The following FILIP1L variants were observed in gnomAD, a reference collection of about 807,000 sequenced individuals.
FILIP1L encodes filamin A interacting protein 1 like.
In FILIP1L, 55 loss-of-function variants were observed where a neutral mutation model predicts 96.6. The ratio of observed to expected loss-of-function variants is 0.57; its 90% CI spans 0.46 to 0.71. The LOEUF is 0.71. FILIP1L is among the 30% of genes least tolerant of loss of function. The pLI, the probability that FILIP1L is intolerant of heterozygous loss-of-function variation, is 0.00. For missense variants in FILIP1L, 1,304 were observed against 1,321.2 expected, an observed-to-expected ratio of 0.99 and a Z score of 0.20; for synonymous variants, 467 against 473.9, an observed-to-expected ratio of 0.99 and a Z score of 0.19.
chr3:99,931,017 G>A lies in FILIP1L; in HGVS notation c.4C>T (p.Arg2Cys), dbSNP rs766701827. The change falls in exon 2 of 6, where the codon CGT becomes TGT. Residue 2 changes from arginine (R) to cysteine (C), a missense_variant. Transcript: ENST00000477258. M[R>C]SRGSDTEGSA... ...CCCTCGGTATCACTGCCTCTGGAACGCATTCTTTAAAGCCTGGAAGGAGGG... is the reference window on the plus strand; with the variant it reads ...CCCTCGGTATCACTGCCTCTGGAACACATTCTTTAAAGCCTGGAAGGAGGG... 60 of 1,612,732 alleles carry A rather than the reference G, an allele frequency of 3.7e-5. No homozygotes were observed. The highest frequency in any genetic ancestry group is 1.6e-4 in the Middle Eastern group (1 of 6,082).
intron 1 of FILIP1L, among the ~76,000 whole-genome samples, chr3:100,014,916 T>TTTTTTTTTTTTTTTTC: frequency 6.9e-6 from 1 of 144,856 alleles, no homozygotes; most frequent in Non-Finnish European, 1.5e-5. Flanking sequence ...TTTTTTTTTT[T>TTTTTTTTTTTTTTTTC]TTGCCCCTGT....
At chr3:99,845,983 C>T (rs1472607769) in intron 5 of FILIP1L, among the ~76,000 whole-genome samples, 2 of 152,168 alleles carry the variant, frequency 1.3e-5, no homozygotes, top group African/African-American at 2.4e-5. Context: ...AGAATTTGTG[C>T]ATTATCATAA....
intron 4 of FILIP1L, among the ~76,000 whole-genome samples, chr3:99,893,268 CCATT>C (rs1706147275): frequency 6.6e-6 from 1 of 151,552 alleles, no homozygotes; most frequent in Non-Finnish European, 1.5e-5. Flanking sequence ...CGGGTTCACG[CCATT>C]CTCCTGTCTC....
At chr3:99,884,148 A>G (rs1705820557) in intron 4 of FILIP1L, among the ~76,000 whole-genome samples, 1 of 152,196 alleles carries the variant, frequency 6.6e-6, no homozygotes, top group Admixed American at 6.5e-5. Context: ...TAGCCTGTTC[A>G]GGGATATGCA....
At chr3:100,113,009 A>T (rs1313215997) in intron 1 of FILIP1L, among the ~76,000 whole-genome samples, 2 of 152,232 alleles carry the variant, frequency 1.3e-5, no homozygotes, top group African/African-American at 4.8e-5. Context: ...TCTCTCTAGT[A>T]TTAACTACAC....
At chr3:99,978,372 T>C (rs1165587043) in intron 1 of FILIP1L, among the ~76,000 whole-genome samples, 3 of 152,130 alleles carry the variant, frequency 2.0e-5, no homozygotes, top group Admixed American at 6.6e-5. Flanking sequence ...AGCCAAAATA[T>C]GGAATCAACC....
At chr3:100,048,148 C>T (rs1559738839) in intron 1 of FILIP1L, among the ~76,000 whole-genome samples, 2 of 152,204 alleles carry the variant, frequency 1.3e-5, no homozygotes, top group African/African-American at 4.8e-5. Context: ...GTTTGCCCCA[C>T]AAATGACCAG....
Position 99,888,038 on chromosome 3 carries a change from C to A in FILIP1L, c.605+36192G>T, listed in dbSNP as rs1407653197. ...GGATTACAGGCATGAGCCACTGTGC[C>A]TGGCCTCCTGTTGTATATTAATACT... is the stretch of plus-strand genomic sequence containing the variant. On this transcript the variant is annotated intron_variant, in intron 4 of 5. Coordinates refer to ENST00000477258, the MANE Select transcript of FILIP1L (RefSeq NM_001387850.1). Among the ~76,000 whole-genome samples, 6 of 152,316 alleles carry A rather than the reference C, an allele frequency of 3.9e-5. No individual in the cohort carries two copies. In the East Asian group the frequency reaches 9.6e-4, roughly 24 times the overall value.
chr3:100,058,171 A>G (rs2065497644), intron 1 of FILIP1L, among the ~76,000 whole-genome samples: 1 of 152,188 alleles, frequency 6.6e-6, no homozygotes, highest in African/African-American at 2.4e-5. Context: ...TGAGACTCCT[A>G]TCTGTCTGAC....
intron 4 of FILIP1L, among the ~76,000 whole-genome samples, chr3:99,870,627 A>G (rs926148771): frequency 2.0e-5 from 3 of 152,192 alleles, no homozygotes; most frequent in African/African-American, 7.2e-5. Context: ...GCCTGTTTTC[A>G]TGCCTTGTGC....
intron 5 of FILIP1L, among the ~76,000 whole-genome samples, chr3:99,840,538 G>C (rs948227094): frequency 1.3e-5 from 2 of 152,148 alleles, no homozygotes; most frequent in African/African-American, 4.8e-5. Flanking sequence ...TAGAATCTTA[G>C]AGAAGGAAAC....
intron 1 of FILIP1L, among the ~76,000 whole-genome samples, chr3:100,060,860 T>C (rs1188315793): frequency 1.3e-5 from 2 of 151,868 alleles, no homozygotes; most frequent in Non-Finnish European, 2.9e-5. Flanking sequence ...AGATCTTGTC[T>C]CGAAAAAATA....
intron 1 of FILIP1L, among the ~76,000 whole-genome samples, chr3:99,945,086 A>G (rs1225715625): frequency 6.6e-6 from 1 of 152,166 alleles, no homozygotes; most frequent in Non-Finnish European, 1.5e-5. Flanking sequence ...CAAGGAAAAT[A>G]CACAGAACAA....
chr3:100,042,563 T>C (rs1012540626), intron 1 of FILIP1L, among the ~76,000 whole-genome samples: 7 of 152,216 alleles, frequency 4.6e-5, no homozygotes, highest in Non-Finnish European at 1.0e-4. Context: ...TCTTTGGAAA[T>C]TGGTAATCCA....
chr3:99,958,287 G>A (rs1337663638), intron 1 of FILIP1L, among the ~76,000 whole-genome samples: 2 of 149,912 alleles, frequency 1.3e-5, no homozygotes, highest in Non-Finnish European at 3.0e-5. Flanking sequence ...GAATTTAAGA[G>A]AACAGTAACA....
At chr3:99,841,180 G>A (rs1576500702) in intron 5 of FILIP1L, among the ~76,000 whole-genome samples, 1 of 152,220 alleles carries the variant, frequency 6.6e-6, no homozygotes, top group Admixed American at 6.5e-5. Flanking sequence ...ACACAAGTTT[G>A]GTTGCATAAG....
intron 1 of FILIP1L, among the ~76,000 whole-genome samples, chr3:99,938,081 G>A (rs1022774997): frequency 4.1e-4 from 63 of 152,120 alleles, no homozygotes; most frequent in African/African-American, 1.3e-3. Flanking sequence ...GTGTGCGCGC[G>A]CGCGCGCGCG....
intron 4 of FILIP1L, among the ~76,000 whole-genome samples, chr3:99,911,525 T>C (rs1278145296): frequency 6.6e-6 from 1 of 152,034 alleles, no homozygotes; most frequent in Non-Finnish European, 1.5e-5. Context: ...GGTTGTGGCA[T>C]ACAGGGTCTG....
intron 4 of FILIP1L, among the ~76,000 whole-genome samples, chr3:99,882,636 C>T (rs1349409430): frequency 6.6e-6 from 1 of 152,106 alleles, no homozygotes; most frequent in Non-Finnish European, 1.5e-5. Context: ...AAGGGACTTG[C>T]CCCAAGGTCA....
Sources: allele counts gnomAD v4.1 joint callset (sites outside exome capture counted in the v4.1 genomes callset), GRCh38; gene constraint gnomAD v4.1.1; transcripts MANE v1.5; gene names NCBI Gene and HGNC (gene_info 2026-07-23, HGNC 2026-07-21).